WASF2: variants seen among roughly 807,000 people sequenced by gnomAD.
WASF2 encodes WASP family member 2.
WASF2 carries 14 observed loss-of-function variants against 45.0 expected under a neutral mutation model. The observed-to-expected ratio is 0.31, with a 90% CI of 0.21 to 0.49. The LOEUF is 0.49. WASF2 is among the 20% of genes least tolerant of loss of function. The pLI, the probability that WASF2 is intolerant of heterozygous loss-of-function variation, is 0.99. For synonymous variants in WASF2, 200 were observed against 236.3 expected (o/e 0.85, Z 1.41); for missense variants, 439 against 636.1 (o/e 0.69, Z 3.33).
chr1:27,474,553 C>T (rs1320172195), intron 1 of WASF2, among the ~76,000 whole-genome samples: 1 of 151,922 alleles, frequency 6.6e-6, no homozygotes, highest in Non-Finnish European at 1.5e-5. Flanking sequence ...GGGCGGATCA[C>T]GAGGTCACAA....
intron 1 of WASF2, among the ~76,000 whole-genome samples, chr1:27,476,928 GT>G (rs1269415802): frequency 2.0e-5 from 3 of 152,176 alleles, no homozygotes; most frequent in African/African-American, 7.2e-5. Context: ...CAGAAAAATA[GT>G]TCAAACTATA....
At chr1:27,434,320 T>C (rs1047123865) in intron 1 of WASF2, among the ~76,000 whole-genome samples, 1 of 152,212 alleles carries the variant, frequency 6.6e-6, no homozygotes, top group South Asian at 2.1e-4. Flanking sequence ...TTATAATTTT[T>C]ATTCTGGGCT....
At chr1:27,444,783 T>C (rs2017290293) in intron 1 of WASF2, among the ~76,000 whole-genome samples, 2 of 152,222 alleles carry the variant, frequency 1.3e-5, no homozygotes. Flanking sequence ...CAATCCAGTA[T>C]TTTCACTTTA....
chr1:27,463,492 G>A (rs561457578), intron 1 of WASF2, among the ~76,000 whole-genome samples: 5 of 151,714 alleles, frequency 3.3e-5, no homozygotes, highest in East Asian at 2.0e-4. Flanking sequence ...GAGTGGTGGC[G>A]GGTGCCTGTA....
chr1:27,467,893 C>T (rs2017637597), intron 1 of WASF2, among the ~76,000 whole-genome samples: 1 of 151,794 alleles, frequency 6.6e-6, no homozygotes, highest in African/African-American at 2.4e-5. Context: ...GCCTGGGTGA[C>T]AGAGCAATTT....
chr1:27,482,771 C>A (rs2017868468), intron 1 of WASF2, among the ~76,000 whole-genome samples: 1 of 152,098 alleles, frequency 6.6e-6, no homozygotes, highest in South Asian at 2.1e-4. Context: ...ACTGCATAAC[C>A]AGAAAGAAGG....
chr1:27,467,170 T>C (rs2017623984), intron 1 of WASF2, among the ~76,000 whole-genome samples: 1 of 141,818 alleles, frequency 7.1e-6, no homozygotes, highest in Non-Finnish European at 1.5e-5. Context: ...GTCGAGATAA[T>C]GCCACACTGC....
At chr1:27,451,856 T>C (rs1470784484) in intron 1 of WASF2, among the ~76,000 whole-genome samples, 1 of 152,232 alleles carries the variant, frequency 6.6e-6, no homozygotes, top group Non-Finnish European at 1.5e-5. Flanking sequence ...CAGATAGTAC[T>C]GAGGTGTATT....
rs1209241058 is a variant in WASF2, at chr1:27,477,823, C to T, written c.-44+12163G>A. On this transcript the variant is annotated intron_variant, in intron 1 of 8. Transcript: ENST00000618852. ...CTGAGGCAGGAGAATGGCGTGAACC[C>T]GGGAGGCGGAGCTTGCAGTGAGCCG... Among the ~76,000 whole-genome samples the T allele has an allele frequency of 5.9e-5, 7 of 118,010 alleles. 1 individual carries two copies. The highest frequency in any genetic ancestry group is 4.0e-4 in the Admixed American group (5 of 12,580). 77.4% of individuals were successfully genotyped at this position (118,010 alleles called of 152,430 possible).
At chr1:27,409,063 G>GA (rs528911093) in intron 8 of WASF2, among the ~76,000 whole-genome samples, 5 of 149,856 alleles carry the variant, frequency 3.3e-5, no homozygotes, top group East Asian at 3.9e-4. Flanking sequence ...CTTCCCCAAG[G>GA]AAAAAAAAAT....
At chr1:27,464,529 T>C (rs1571156040) in intron 1 of WASF2, among the ~76,000 whole-genome samples, 1 of 151,872 alleles carries the variant, frequency 6.6e-6, no homozygotes, top group African/African-American at 2.4e-5. Context: ...TATAGACAAA[T>C]AAATTAAAGC....
At chr1:27,444,074 T>C (rs938307678) in intron 1 of WASF2, among the ~76,000 whole-genome samples, 1 of 152,122 alleles carries the variant, frequency 6.6e-6, no homozygotes, top group Admixed American at 6.5e-5. Context: ...CCACCGCGCC[T>C]GGCCTTAGTT....
chr1:27,463,164 T>C (rs2017569758), intron 1 of WASF2, among the ~76,000 whole-genome samples: 1 of 152,208 alleles, frequency 6.6e-6, no homozygotes, highest in African/African-American at 2.4e-5. Context: ...AAGGTAAAAC[T>C]GTCAGATAAT....
intron 1 of WASF2, among the ~76,000 whole-genome samples, chr1:27,438,076 A>G (rs1387454522): frequency 1.3e-5 from 2 of 152,206 alleles, no homozygotes; most frequent in African/African-American, 4.8e-5. Context: ...GAAATTTGAG[A>G]TAAGAGGACA....
At chr1:27,449,389 A>C (rs2017352410) in intron 1 of WASF2, among the ~76,000 whole-genome samples, 1 of 152,114 alleles carries the variant, frequency 6.6e-6, no homozygotes, top group African/African-American at 2.4e-5. Context: ...ACTTGAGGTC[A>C]GGAGTTCGAG....
At chr1:27,447,858 C>T (rs2017330993) in intron 1 of WASF2, among the ~76,000 whole-genome samples, 1 of 152,216 alleles carries the variant, frequency 6.6e-6, no homozygotes. Flanking sequence ...CAAAATATAT[C>T]TTATTAGGCC....
intron 1 of WASF2, among the ~76,000 whole-genome samples, chr1:27,485,853 A>G (rs913869064): frequency 2.0e-5 from 3 of 152,166 alleles, no homozygotes; most frequent in Admixed American, 6.6e-5. Context: ...CTGGGATTAC[A>G]GGCGTGCACC....
At chr1:27,443,307 TAAAAAAAAA>T (rs77018071) in intron 1 of WASF2, among the ~76,000 whole-genome samples, 2 of 53,328 alleles carry the variant, frequency 3.8e-5, no homozygotes, top group South Asian at 1.2e-3. Context: ...CACCGTCTCT[TAAAAAAAAA>T]AAAAAAAAAA....
rs1421811087 is a variant in WASF2, at chr1:27,470,085, T to C, written c.-44+19901A>G. Among the ~76,000 whole-genome samples the C allele has an allele frequency of 2.0e-5, 3 of 152,210 alleles. No homozygotes were observed. In the East Asian group the frequency reaches 5.8e-4, roughly 29 times the overall value. On this transcript the variant is annotated intron_variant, in intron 1 of 8. Coordinates refer to ENST00000618852, the MANE Select transcript of WASF2 (RefSeq NM_006990.5). The stretch of plus-strand genomic sequence containing the variant: ...GGACATGTAGTGACAGGGAGTATTA[T>C]ATCTGAAGTGTACAGACAGTGTCAG...
Sources: gnomAD v4.1 joint callset for allele counts (sites outside exome capture counted in the v4.1 genomes callset) on GRCh38, gnomAD v4.1.1 for gene constraint, MANE v1.5 for transcripts, NCBI Gene and HGNC (gene_info 2026-07-23, HGNC 2026-07-21) for gene names.